Variants in ADAMTS6 observed in about 807,000 individuals in gnomAD.
ADAMTS6 encodes ADAM metallopeptidase with thrombospondin type 1 motif 6, also known as A disintegrin and metalloproteinase with thrombospondin motifs 6.
In ADAMTS6, 23 loss-of-function variants were observed where a neutral mutation model predicts 144.3. The observed-to-expected ratio is 0.16, with a 90% CI of 0.11 to 0.23. The LOEUF (loss-of-function observed/expected upper bound fraction) is 0.23. Ranked by LOEUF, ADAMTS6 falls within the 10% of genes least tolerant of loss-of-function variation. ADAMTS6 has a pLI of 1.00. For missense variants in ADAMTS6, 999 were observed against 1,379.6 expected, an observed-to-expected ratio of 0.72 and a Z score of 4.37; for synonymous variants, 444 against 457.5, an observed-to-expected ratio of 0.97 and a Z score of 0.38.
intron 3 of ADAMTS6, among the ~76,000 whole-genome samples, chr5:65,463,610 T>A (rs1434476323): frequency 1.3e-5 from 2 of 152,278 alleles, no homozygotes; most frequent in East Asian, 3.9e-4. Flanking sequence ...AGGTATAAAT[T>A]CCTTTGAGAA....
At chr5:65,415,532 C>G (rs534145865) in intron 7 of ADAMTS6, 16 of 315,728 alleles carry the variant, frequency 5.1e-5, no homozygotes, top group East Asian at 1.0e-4. Flanking sequence ...GGATGCCTGT[C>G]ACCAATCTGG....
At chr5:65,360,233 A>G (rs933916973) in intron 7 of ADAMTS6, among the ~76,000 whole-genome samples, 8 of 152,300 alleles carry the variant, frequency 5.3e-5, no homozygotes, top group African/African-American at 1.4e-4. Flanking sequence ...CAGGAGGAAG[A>G]GAGAGAAGTA....
intron 7 of ADAMTS6, among the ~76,000 whole-genome samples, chr5:65,360,497 CA>C (rs1342192224): frequency 2.6e-5 from 4 of 151,880 alleles, no homozygotes; most frequent in African/African-American, 4.8e-5. Context: ...CAATACATTG[CA>C]TTCTACACAG....
intron 3 of ADAMTS6, among the ~76,000 whole-genome samples, chr5:65,461,300 T>C (rs1759625750): frequency 6.6e-6 from 1 of 152,206 alleles, no homozygotes; most frequent in African/African-American, 2.4e-5. Flanking sequence ...TTATTTAAAG[T>C]TGGTATAAGT....
intron 20 of ADAMTS6, chr5:65,198,594 GA>G (rs755765528): frequency 6.0e-6 from 1 of 167,060 alleles, no homozygotes; most frequent in Non-Finnish European, 1.5e-5. Context: ...CCAAGCTCAT[GA>G]CACTTAAATC....
At chr5:65,379,042 G>C (rs1297912308) in intron 7 of ADAMTS6, among the ~76,000 whole-genome samples, 1 of 152,040 alleles carries the variant, frequency 6.6e-6, no homozygotes, top group Middle Eastern at 3.2e-3. Context: ...AGATACATGT[G>C]TTCATTAGAA....
chr5:65,215,914 A>G (rs901408161), intron 18 of ADAMTS6, among the ~76,000 whole-genome samples: 1 of 152,220 alleles, frequency 6.6e-6, no homozygotes, highest in African/African-American at 2.4e-5. Flanking sequence ...GATTTAAGAA[A>G]TAGACCCAAG....
intron 14 of ADAMTS6, among the ~76,000 whole-genome samples, chr5:65,250,637 T>C (rs1760076108): frequency 6.6e-6 from 1 of 152,210 alleles, no homozygotes; most frequent in African/African-American, 2.4e-5. Context: ...ATGTTTAATA[T>C]GCAAGAATAA....
At chr5:65,274,392 ATATATT>A (rs1203749190) in intron 11 of ADAMTS6, among the ~76,000 whole-genome samples, 1 of 152,018 alleles carries the variant, frequency 6.6e-6, no homozygotes, top group East Asian at 1.9e-4. Flanking sequence ...TTAGTATAAT[ATATATT>A]TATAATAAAA....
intron 7 of ADAMTS6, among the ~76,000 whole-genome samples, chr5:65,423,982 T>C (rs1318988286): frequency 2.6e-5 from 4 of 152,096 alleles, no homozygotes; most frequent in African/African-American, 4.8e-5. Context: ...AATATCACGA[T>C]TAAAAAAAAC....
At chr5:65,270,351 G>T (rs955001120) in intron 12 of ADAMTS6, among the ~76,000 whole-genome samples, 1 of 151,996 alleles carries the variant, frequency 6.6e-6, no homozygotes, top group Non-Finnish European at 1.5e-5. Context: ...CCTTCTTAAG[G>T]AGAAAAAAAT....
At chr5:65,251,877 G>A (rs1396767574) in intron 14 of ADAMTS6, 2 of 152,142 alleles carry the variant, frequency 1.3e-5, no homozygotes, top group Admixed American at 1.3e-4. Flanking sequence ...TTGAAATCGG[G>A]TTAAGAGGGA....
At chr5:65,247,860 T>A (rs1197890773) in intron 14 of ADAMTS6, among the ~76,000 whole-genome samples, 2 of 152,200 alleles carry the variant, frequency 1.3e-5, no homozygotes, top group African/African-American at 4.8e-5. Context: ...TCATCCCTGT[T>A]ACACTAGATC....
At chr5:65,456,188 C>T (rs909690235) in intron 4 of ADAMTS6, among the ~76,000 whole-genome samples, 4 of 151,986 alleles carry the variant, frequency 2.6e-5, no homozygotes, top group Non-Finnish European at 5.9e-5. Flanking sequence ...GCTTAATGAT[C>T]TGTAACTACT....
chr5:65,188,310 C>T, intron 21 of ADAMTS6, 90 bp from the exon 22 acceptor site: 1 of 1,211,592 alleles, frequency 8.3e-7, no homozygotes. Flanking sequence ...CACTGATGGA[C>T]TACGAGCTGA....
intron 7 of ADAMTS6, among the ~76,000 whole-genome samples, chr5:65,355,700 T>C (rs1183958579): frequency 6.6e-6 from 1 of 151,852 alleles, no homozygotes; most frequent in Non-Finnish European, 1.5e-5. Flanking sequence ...TAAAGCATCT[T>C]ATCTAAAGCA....
At chr5:65,175,745 T>C (rs1753937385) in intron 22 of ADAMTS6, among the ~76,000 whole-genome samples, 1 of 151,700 alleles carries the variant, frequency 6.6e-6, no homozygotes, top group African/African-American at 2.4e-5. Context: ...CCACTGAAAA[T>C]TCCCTTAACC....
chr5:65,280,301 T>C (rs1580280022), intron 11 of ADAMTS6, among the ~76,000 whole-genome samples: 3 of 152,200 alleles, frequency 2.0e-5, no homozygotes, highest in Non-Finnish European at 1.5e-5. Context: ...TCATAAAAAT[T>C]AAGAATTGGA....
intron 7 of ADAMTS6, among the ~76,000 whole-genome samples, chr5:65,397,361 G>A (rs1753430828): frequency 6.6e-6 from 1 of 151,746 alleles, no homozygotes; most frequent in South Asian, 2.1e-4. Context: ...CTTACTTTGA[G>A]TTTAATTAGC....
Sources: allele counts gnomAD v4.1 joint callset (sites outside exome capture counted in the v4.1 genomes callset), GRCh38; gene constraint gnomAD v4.1.1; transcripts MANE v1.5; gene names NCBI Gene and HGNC (gene_info 2026-07-23, HGNC 2026-07-21).